DIAPH3: variants seen among roughly 807,000 people sequenced by gnomAD.
DIAPH3 encodes protein diaphanous homolog 3.
DIAPH3 carries 117 observed loss-of-function variants against 144.3 expected under a neutral mutation model. The observed-to-expected ratio is 0.81, with a 90% CI of 0.70 to 0.95. The LOEUF (loss-of-function observed/expected upper bound fraction) is 0.95, where lower values mean the gene tolerates loss of function less well. DIAPH3 is among the 40% of genes least tolerant of loss of function. The probability of loss-of-function intolerance (pLI) is 0.00; values close to 1 mark genes in which losing one functional copy is unlikely to be tolerated. For missense variants in DIAPH3, 1,421 were observed against 1,412.7 expected, an observed-to-expected ratio of 1.01 and a Z score of -0.09; for synonymous variants, 519 against 488.9, an observed-to-expected ratio of 1.06 and a Z score of -0.81.
intron 17 of DIAPH3, among the ~76,000 whole-genome samples, chr13:59,952,381 T>C (rs2049146184): frequency 6.6e-6 from 1 of 152,138 alleles, no homozygotes. Context: ...TTAAGTTTTA[T>C]CACAATTTAA....
intron 27 of DIAPH3, among the ~76,000 whole-genome samples, chr13:59,713,219 C>T (rs1593644087): frequency 6.6e-6 from 1 of 151,592 alleles, no homozygotes; most frequent in East Asian, 1.9e-4. Context: ...ACAAATACAT[C>T]ATCTGTAGTA....
chr13:59,991,219 C>G lies in DIAPH3; in HGVS notation c.1300G>C (p.Glu434Gln). Residue 434 changes from glutamate to glutamine, a missense_variant, in exon 12 of 28, where the codon GAG becomes CAG. Physicochemically the swap from Glu to Gln is conservative, Grantham distance 29. Coordinates refer to ENST00000400324, the MANE Select transcript of DIAPH3 (RefSeq NM_001042517.2). ...TGAAGAATAGAAATAAAATATCCCTCTGCTCTAGTTTCTTTAACTGTGCTC... is the reference window on the plus strand; with the variant it reads ...TGAAGAATAGAAATAAAATATCCCTGTGCTCTAGTTTCTTTAACTGTGCTC... Reference protein sequence around the residue: ...VWSTVKETRAEGYFISILQHL... With the variant: ...VWSTVKETRAQGYFISILQHL... 1 of 1,611,504 alleles carries G rather than the reference C, an allele frequency of 6.2e-7. No homozygotes were observed. Among genetic ancestry groups the G allele is most frequent in the Non-Finnish European group, 8.5e-7 (1 of 1,178,684 alleles).
At chr13:59,772,111 G>A (rs765269523) in intron 27 of DIAPH3, among the ~76,000 whole-genome samples, 2 of 151,802 alleles carry the variant, frequency 1.3e-5, no homozygotes, top group African/African-American at 4.8e-5. Context: ...TCAGTCGTAG[G>A]GTTAGTATTT....
intron 22 of DIAPH3, among the ~76,000 whole-genome samples, chr13:59,856,428 G>A (rs2043256486): frequency 6.6e-6 from 1 of 152,144 alleles, no homozygotes; most frequent in South Asian, 2.1e-4. Flanking sequence ...AGAAGTCCAA[G>A]ATCAAGGTGT....
intron 20 of DIAPH3, among the ~76,000 whole-genome samples, chr13:59,887,764 T>C (rs554292265): frequency 1.3e-5 from 2 of 152,242 alleles, no homozygotes; most frequent in South Asian, 4.1e-4. Flanking sequence ...ACTGATTTTT[T>C]TTGTACACTT....
intron 22 of DIAPH3, among the ~76,000 whole-genome samples, chr13:59,843,972 G>A (rs202058963): frequency 6.6e-6 from 1 of 152,066 alleles, no homozygotes; most frequent in Non-Finnish European, 1.5e-5. Flanking sequence ...GGAGGAGGGA[G>A]AGAATCAGGA....
At chr13:60,118,931 T>C (rs1036987915) in intron 2 of DIAPH3, among the ~76,000 whole-genome samples, 16 of 152,354 alleles carry the variant, frequency 1.1e-4, no homozygotes, top group Admixed American at 9.1e-4. Flanking sequence ...TCTCTTCCTA[T>C]GTCCTTTCAC....
In DIAPH3 at chr13:59,916,180, G is replaced by A. The variant is rs2047210512; in HGVS notation, c.2240C>T (p.Thr747Ile). ...IRMMILEVDE[T>I]RLAESMIQNL... ...CTGAATCATAGACTCTGCCAACCGT[G>A]TTTCATCTACTTCCAATATCATCAT... Residue 747 changes from threonine (T) to isoleucine (I), a missense_variant, in exon 19 of 28, where the codon ACA becomes ATA. Coordinates refer to ENST00000400324, the MANE Select transcript of DIAPH3 (RefSeq NM_001042517.2). 1.9e-6 allele frequency: 3 copies of A among 1,613,040 alleles called. No individual in the cohort carries two copies. The highest frequency in any genetic ancestry group is 1.1e-5 in the South Asian group (1 of 91,046).
At chr13:59,733,388 T>C (rs2035982701) in intron 27 of DIAPH3, among the ~76,000 whole-genome samples, 1 of 151,998 alleles carries the variant, frequency 6.6e-6, no homozygotes, top group East Asian at 1.9e-4. Context: ...ATAATCTGAG[T>C]ATAAAGATTG....
chr13:60,128,032 A>T (rs1480286044), intron 2 of DIAPH3, among the ~76,000 whole-genome samples: 1 of 151,952 alleles, frequency 6.6e-6, no homozygotes, highest in Admixed American at 6.6e-5. Context: ...TACTTAATAG[A>T]TATTTTTTCT....
chr13:59,817,802 T>C (rs1228298944), intron 24 of DIAPH3, among the ~76,000 whole-genome samples: 1 of 152,094 alleles, frequency 6.6e-6, no homozygotes, highest in East Asian at 1.9e-4. Context: ...GTATTTTTAT[T>C]ACACAAATAA....
intron 27 of DIAPH3, among the ~76,000 whole-genome samples, chr13:59,769,241 G>T (rs2038001956): frequency 6.6e-6 from 1 of 152,108 alleles, no homozygotes; most frequent in Non-Finnish European, 1.5e-5. Flanking sequence ...AAAAACACCA[G>T]TCACTCAGTG....
intron 5 of DIAPH3, among the ~76,000 whole-genome samples, chr13:60,019,436 C>T (rs1006126791): frequency 3.9e-5 from 6 of 151,946 alleles, no homozygotes; most frequent in South Asian, 2.1e-4. Flanking sequence ...AAACAGCAAC[C>T]GTAGTGTGCT....
At chr13:59,728,892 T>G (rs2035734802) in intron 27 of DIAPH3, among the ~76,000 whole-genome samples, 1 of 152,138 alleles carries the variant, frequency 6.6e-6, no homozygotes, top group African/African-American at 2.4e-5. Flanking sequence ...GGATATATTA[T>G]AAGAAGAAGT....
chr13:60,055,847 A>G (rs1287777523), intron 4 of DIAPH3, among the ~76,000 whole-genome samples: 2 of 151,886 alleles, frequency 1.3e-5, no homozygotes, highest in African/African-American at 4.8e-5. Context: ...AAAGATGAGG[A>G]GAGAAAATTT....
intron 24 of DIAPH3, among the ~76,000 whole-genome samples, chr13:59,815,581 A>G (rs1014293173): frequency 8.5e-5 from 13 of 152,130 alleles, no homozygotes; most frequent in Non-Finnish European, 1.8e-4. Flanking sequence ...GCCTTCTTCA[A>G]AAACAATGAT....
At chr13:59,952,244 G>T (rs1452075553) in intron 17 of DIAPH3, among the ~76,000 whole-genome samples, 1 of 152,126 alleles carries the variant, frequency 6.6e-6, no homozygotes, top group Non-Finnish European at 1.5e-5. Flanking sequence ...GGGGCTAGGG[G>T]AAGTGAATAA....
intron 4 of DIAPH3, among the ~76,000 whole-genome samples, chr13:60,092,504 T>G (rs916543199): frequency 1.3e-5 from 2 of 151,896 alleles, no homozygotes; most frequent in Non-Finnish European, 2.9e-5. Flanking sequence ...TACAAAAAAT[T>G]TCCAGGCGTG....
intron 9 of DIAPH3, among the ~76,000 whole-genome samples, chr13:60,005,732 T>C (rs752530699): frequency 2.0e-4 from 31 of 152,198 alleles, no homozygotes; most frequent in East Asian, 3.9e-4. Context: ...CTGCCCGCCT[T>C]GGCCTCCCAA....
Sources: gnomAD v4.1 joint callset for allele counts (sites outside exome capture counted in the v4.1 genomes callset) on GRCh38, gnomAD v4.1.1 for gene constraint, MANE v1.5 for transcripts, NCBI Gene and HGNC (gene_info 2026-07-23, HGNC 2026-07-21) for gene names.